SERPINB7: variants seen among roughly 807,000 people sequenced by gnomAD.
SERPINB7 encodes the protein serpin family B member 7.
Under a neutral mutation model 37.4 loss-of-function variants are expected in SERPINB7, and 31 were observed. That is an observed-to-expected ratio of 0.83 (90% confidence interval 0.62 to 1.12). SERPINB7 has a LOEUF of 1.12. Ranked by LOEUF, SERPINB7 falls within the 50% of genes most tolerant of loss-of-function variation. SERPINB7 has a pLI of 0.00. For missense variants in SERPINB7, 521 were observed against 455.3 expected (o/e 1.14, Z -1.31); for synonymous variants, 163 against 166.1 (o/e 0.98, Z 0.14).
At chr18:63,800,781 C>A in intron 6 of SERPINB7, 85 bp from the exon 7 acceptor site, 2 of 1,465,898 alleles carry the variant, frequency 1.4e-6, no homozygotes, top group Non-Finnish European at 1.8e-6. Flanking sequence ...AATTTATTGA[C>A]CAAGTACAAT....
intron 1 of SERPINB7, among the ~76,000 whole-genome samples, chr18:63,776,359 T>G (rs2049248063): frequency 6.6e-6 from 1 of 152,020 alleles, no homozygotes; most frequent in Admixed American, 6.6e-5. Context: ...TGGCTTAGTC[T>G]ATCCACCCAT....
Position 63,796,360 on chromosome 18 carries a change from A to G in SERPINB7, c.431A>G (p.Lys144Arg), listed in dbSNP as rs1646054416. The change falls in exon 5 of 8, where the codon AAG becomes AGG. Residue 144 changes from lysine to arginine, a missense_variant. Transcript: ENST00000398019. ...GAAGACACTAGACGTAATATTAATA[A>G]GTGGGTTGAAAATGAAACACATGGT... ...HLEDTRRNIN[K>R]WVENETHGKI... 2 of 1,597,850 alleles carry G rather than the reference A, an allele frequency of 1.3e-6. No individual in the cohort carries two copies. The highest frequency in any genetic ancestry group is 1.3e-5 in the African/African-American group (1 of 74,752).
chr18:63,777,948 A>AG (rs1312888053), intron 1 of SERPINB7: 7 of 152,354 alleles, frequency 4.6e-5, no homozygotes, highest in African/African-American at 1.5e-4. Flanking sequence ...AGAGAGAGAA[A>AG]TAAATCTTGG....
chr18:63,776,565 C>T (rs1019447854), intron 1 of SERPINB7, among the ~76,000 whole-genome samples: 6 of 150,670 alleles, frequency 4.0e-5, no homozygotes, highest in Admixed American at 2.7e-4. Context: ...TGGTCAGAAA[C>T]CTTCTTGTGT....
chr18:63,778,238 A>T (rs1222936000), intron 1 of SERPINB7: 1 of 152,152 alleles, frequency 6.6e-6, no homozygotes, highest in Non-Finnish European at 1.5e-5. Context: ...GAACTCTTTT[A>T]AGTGCATAAT....
chr18:63,794,110 A>ATTTTTTTTTT (rs34450022), intron 4 of SERPINB7, among the ~76,000 whole-genome samples: 467 of 105,544 alleles, frequency 4.4e-3, no homozygotes, highest in East Asian at 0.024. Context: ...CATCCTGCTA[A>ATTTTTTTTTT]TTTTTTTTTT....
chr18:63,776,540 G>C (rs555412635), intron 1 of SERPINB7, among the ~76,000 whole-genome samples: 1 of 151,598 alleles, frequency 6.6e-6, no homozygotes, highest in South Asian at 2.1e-4. Context: ...TTGAGAAGAT[G>C]AGGGTAGAGT....
At chr18:63,769,390 T>C (rs2049197793) in intron 1 of SERPINB7, among the ~76,000 whole-genome samples, 1 of 152,186 alleles carries the variant, frequency 6.6e-6, no homozygotes, top group South Asian at 2.1e-4. Context: ...AACCACTTGT[T>C]AGAGACTTTT....
chr18:63,799,115 C>T (rs747574011), intron 6 of SERPINB7, among the ~76,000 whole-genome samples: 1 of 151,860 alleles, frequency 6.6e-6, no homozygotes, highest in Admixed American at 6.6e-5. Context: ...AATCATTTAC[C>T]ATCAATGATT....
intron 2 of SERPINB7, among the ~76,000 whole-genome samples, chr18:63,785,089 A>G (rs1039290514): frequency 9.9e-5 from 15 of 152,220 alleles, no homozygotes; most frequent in African/African-American, 3.6e-4. Flanking sequence ...ATGATCTTGC[A>G]TGAAGAAACA....
chr18:63,788,829 A>C (rs949939187), intron 2 of SERPINB7, among the ~76,000 whole-genome samples: 5 of 152,260 alleles, frequency 3.3e-5, no homozygotes, highest in African/African-American at 1.2e-4. Flanking sequence ...TCAGTACAGT[A>C]ACATGCTATA....
At chr18:63,785,618 C>A (rs1022206606) in intron 2 of SERPINB7, among the ~76,000 whole-genome samples, 1 of 151,846 alleles carries the variant, frequency 6.6e-6, no homozygotes, top group Non-Finnish European at 1.5e-5. Context: ...AGGTTCAATG[C>A]AGTTGAAGTG....
chr18:63,783,210 GAGAGAGAGAGAGAGAGAGAGAGAGAA>G (rs1243676680), intron 2 of SERPINB7, among the ~76,000 whole-genome samples: 1,799 of 98,272 alleles, frequency 0.018, 22 homozygotes, highest in East Asian at 0.035. Flanking sequence ...GAGAGAGAGA[GAGAGAGAGAGAGAGAGAGAGAGAGAA>G]AGAAAGAAAG....
At chr18:63,760,889 G>A (rs2049149657) in intron 1 of SERPINB7, among the ~76,000 whole-genome samples, 1 of 152,256 alleles carries the variant, frequency 6.6e-6, no homozygotes, top group South Asian at 2.1e-4. Flanking sequence ...GTTTGCTGTA[G>A]GAGTGGTCCT....
chr18:63,777,494 A>G (rs2049259937), intron 1 of SERPINB7, among the ~76,000 whole-genome samples: 1 of 152,070 alleles, frequency 6.6e-6, no homozygotes, highest in Admixed American at 6.6e-5. Context: ...TTGTGCCTTA[A>G]TGTAAGGATA....
At chr18:63,757,020 CT>C (rs2049126346) in intron 1 of SERPINB7, among the ~76,000 whole-genome samples, 1 of 151,998 alleles carries the variant, frequency 6.6e-6, no homozygotes, top group Admixed American at 6.6e-5. Flanking sequence ...TGAATGTCTT[CT>C]TTTGAGAAGT....
At chr18:63,759,212 T>C (rs2049139112) in intron 1 of SERPINB7, among the ~76,000 whole-genome samples, 1 of 152,030 alleles carries the variant, frequency 6.6e-6, no homozygotes, top group South Asian at 2.1e-4. Flanking sequence ...CTATTAAATG[T>C]ATTGTGTTTT....
chr18:63,783,580 A>T (rs529567451), intron 2 of SERPINB7, among the ~76,000 whole-genome samples: 3 of 152,306 alleles, frequency 2.0e-5, no homozygotes, highest in Middle Eastern at 3.4e-3. Context: ...CGCCACCTTC[A>T]GGGAGTGCTT....
chr18:63,758,114 A>G (rs935875045), intron 1 of SERPINB7, among the ~76,000 whole-genome samples: 6 of 152,162 alleles, frequency 3.9e-5, no homozygotes, highest in African/African-American at 4.8e-5. Flanking sequence ...TCTAAAGTAC[A>G]TGCATGCATG....
Sources: allele counts gnomAD v4.1 joint callset (sites outside exome capture counted in the v4.1 genomes callset), GRCh38; gene constraint gnomAD v4.1.1; transcripts MANE v1.5; gene names NCBI Gene and HGNC (gene_info 2026-07-23, HGNC 2026-07-21).